The following PDE8A variants were observed in gnomAD, a reference collection of about 807,000 sequenced individuals.
PDE8A encodes high affinity cAMP-specific and IBMX-insensitive 3',5'-cyclic phosphodiesterase 8A.
A neutral mutation model predicts 105.0 loss-of-function variants in PDE8A; 59 were observed. The observed-to-expected ratio is 0.56, with a 90% confidence interval of 0.46 to 0.70. The LOEUF (loss-of-function observed/expected upper bound fraction) is 0.70, where lower values mean the gene tolerates loss of function less well. PDE8A is among the 30% of genes least tolerant of loss of function. The probability of loss-of-function intolerance (pLI) is 0.00; values close to 1 mark genes in which losing one functional copy is unlikely to be tolerated. For missense variants in PDE8A, 1,014 were observed against 1,045.9 expected, an observed-to-expected ratio of 0.97 and a Z score of 0.42; for synonymous variants, 355 against 371.9, an observed-to-expected ratio of 0.95 and a Z score of 0.52.
In PDE8A at chr15:85,121,013, A is replaced by C. The variant is rs1432827012; in HGVS notation, c.1951A>C (p.Arg651=). The change falls in exon 18 of 22, where the codon AGG becomes CGG. Residue 651 remains arginine (R), a splice_region_variant and synonymous_variant. Transcript: ENST00000394553. Reference sequence around the variant, plus strand: ...ATGCAATATATTTAAAAACATGGAGAGGTAAGAACAATGATTGGGAAGTGT... The same window carrying C: ...ATGCAATATATTTAAAAACATGGAGCGGTAAGAACAATGATTGGGAAGTGT... The part of the protein sequence containing the change: ...DKCNIFKNME[R]NDYRTLRQGI... 2 of 1,587,656 alleles carry C rather than the reference A, an allele frequency of 1.3e-6. No individual in the cohort carries two copies. Among genetic ancestry groups the C allele is most frequent in the African/African-American group, 1.3e-5 (1 of 74,354 alleles).
At chr15:85,105,694 A>T (rs1399824060) in intron 11 of PDE8A, among the ~76,000 whole-genome samples, 1 of 152,194 alleles carries the variant, frequency 6.6e-6, no homozygotes, top group African/African-American at 2.4e-5. Context: ...GAGCAGAGAC[A>T]TGAAGTTGCA....
At chr15:85,028,156 T>A (rs2080550137) in intron 1 of PDE8A, among the ~76,000 whole-genome samples, 1 of 152,244 alleles carries the variant, frequency 6.6e-6, no homozygotes, top group African/African-American at 2.4e-5. Context: ...ATGTTATGAT[T>A]TTCCTTAGGA....
chr15:85,092,422 A>G (rs2081660858), intron 8 of PDE8A, among the ~76,000 whole-genome samples: 1 of 151,916 alleles, frequency 6.6e-6, no homozygotes, highest in African/African-American at 2.4e-5. Context: ...AGAGACCCTC[A>G]GGTGCTCAGG....
intron 9 of PDE8A, 37 bp downstream of exon 9, chr15:85,098,073 G>C (rs904171631): frequency 1.0e-5 from 12 of 1,197,020 alleles, no homozygotes; most frequent in Non-Finnish European, 1.4e-5. Context: ...TCAACATACA[G>C]TGTTTTGGGT....
rs1275365947 is a variant in PDE8A, at chr15:85,062,314, T to G, written c.187-2056T>G. ...ATCTCTGTGCCAAGGATCAGTCTAA[T>G]GTGTAAACTCAAGGTCTTCTCAGGC... On this transcript the variant is annotated intron_variant, in intron 1 of 21. Transcript: ENST00000394553. Among the ~76,000 whole-genome samples the G allele has an allele frequency of 2.0e-5, 3 of 152,248 alleles. No homozygotes were observed. In the East Asian group the frequency reaches 5.8e-4, roughly 29 times the overall value.
chr15:85,115,628 G>A (rs898858567), intron 15 of PDE8A, 141 bp downstream of exon 15: 1 of 573,476 alleles, frequency 1.7e-6, no homozygotes. Context: ...TGTCCCTGAG[G>A]CGGTACTGTC....
intron 20 of PDE8A, 99 bp from the exon 21 acceptor site, chr15:85,136,435 C>T: frequency 7.5e-7 from 1 of 1,338,274 alleles, no homozygotes; most frequent in Non-Finnish European, 1.0e-6. Context: ...GACAAGCCAC[C>T]TTAGGCTGCC....
At chr15:85,042,118 T>G (rs2080819443) in intron 1 of PDE8A, among the ~76,000 whole-genome samples, 1 of 152,132 alleles carries the variant, frequency 6.6e-6, no homozygotes, top group African/African-American at 2.4e-5. Flanking sequence ...CAGTTGCTAG[T>G]TGCTGAGATA....
At chr15:85,039,985 A>C (rs1183466310) in intron 1 of PDE8A, among the ~76,000 whole-genome samples, 3 of 152,160 alleles carry the variant, frequency 2.0e-5, no homozygotes. Context: ...GAGGGCACAA[A>C]GTTTCATTTA....
intron 12 of PDE8A, among the ~76,000 whole-genome samples, chr15:85,110,090 G>A (rs1567292195): frequency 6.6e-6 from 1 of 152,206 alleles, no homozygotes; most frequent in Non-Finnish European, 1.5e-5. Flanking sequence ...GATTCAATGA[G>A]TGTGTATGGT....
rs552156094 is a variant in PDE8A, at chr15:85,128,802, C to G, written c.2253+2428C>G. On this transcript the variant is annotated intron_variant, in intron 20 of 21. Transcript: ENST00000394553. ...AAAAGTGCTGAACATCATTAGTCATCTGGGAAATTCAAATTAAAACCACAG... is the reference window on the plus strand; with the variant it reads ...AAAAGTGCTGAACATCATTAGTCATGTGGGAAATTCAAATTAAAACCACAG... Among the ~76,000 whole-genome samples, 15 of 152,312 alleles carry G rather than the reference C, an allele frequency of 9.8e-5. No homozygotes were observed. In the South Asian group the frequency reaches 3.1e-3, roughly 32 times the overall value.
At chr15:85,050,613 T>C (rs2080957937) in intron 1 of PDE8A, among the ~76,000 whole-genome samples, 1 of 152,198 alleles carries the variant, frequency 6.6e-6, no homozygotes, top group Non-Finnish European at 1.5e-5. Flanking sequence ...TGTTAAAAAT[T>C]ATTTGACCCT....
At chr15:84,988,670 C>A (rs2079841591) in intron 1 of PDE8A, among the ~76,000 whole-genome samples, 1 of 152,222 alleles carries the variant, frequency 6.6e-6, no homozygotes, top group Non-Finnish European at 1.5e-5. Context: ...GCTGCATGTA[C>A]CTATCTTCTC....
intron 3 of PDE8A, among the ~76,000 whole-genome samples, chr15:85,068,993 T>G (rs1215426634): frequency 6.6e-6 from 1 of 152,186 alleles, no homozygotes; most frequent in Non-Finnish European, 1.5e-5. Context: ...GTTAATTCAT[T>G]CAGCAGATTT....
At chr15:85,055,445 A>G (rs2081045149) in intron 1 of PDE8A, among the ~76,000 whole-genome samples, 1 of 152,132 alleles carries the variant, frequency 6.6e-6, no homozygotes, top group South Asian at 2.1e-4. Flanking sequence ...GTGGGAGTCT[A>G]AGTCTCTTTG....
In PDE8A at chr15:85,020,435, C is replaced by G. The variant is rs550695610; in HGVS notation, c.186+38087C>G. On this transcript the variant is annotated intron_variant, in intron 1 of 21. Coordinates refer to ENST00000394553, the MANE Select transcript of PDE8A (RefSeq NM_002605.3). Reference sequence around the variant, plus strand: ...CCTGGCCAACACGGCGAAACCCTGTCTCTACTAAAAATACAAAAGTTAGCC... The same window carrying G: ...CCTGGCCAACACGGCGAAACCCTGTGTCTACTAAAAATACAAAAGTTAGCC... Among the ~76,000 whole-genome samples the G allele has an allele frequency of 3.9e-5, 6 of 152,256 alleles. 1 individual carries two copies. The South Asian group carries it at 1.0e-3, about 26-fold the overall frequency.
chr15:85,128,846 C>A (rs1218443508), intron 20 of PDE8A, among the ~76,000 whole-genome samples: 2 of 152,144 alleles, frequency 1.3e-5, no homozygotes, highest in Admixed American at 6.5e-5. Flanking sequence ...CACTACACAC[C>A]CAATGGGATG....
intron 1 of PDE8A, among the ~76,000 whole-genome samples, chr15:85,012,677 A>G (rs2080260174): frequency 6.6e-6 from 1 of 151,998 alleles, no homozygotes; most frequent in South Asian, 2.1e-4. Context: ...GTGCACATGT[A>G]CCCTAAAACT....
rs750034436 is a variant in PDE8A, at chr15:85,126,278, A to G, written c.2157A>G (p.Arg719=). The change falls in exon 20 of 22, where the codon CGA becomes CGG. Residue 719 remains arginine (R), a synonymous_variant. Transcript: ENST00000394553. ...RTPENRTLIK[R]MLIKCADVSN... ...CAGAGAACCGGACCCTAATCAAACG[A>G]ATGCTGATTAAATGTGCTGATGTGT... 1.2e-6 allele frequency: 2 copies of G among 1,612,856 alleles called. No homozygotes were observed. The highest frequency in any genetic ancestry group is 2.2e-5 in the East Asian group (1 of 44,846).
Sources: gnomAD v4.1 joint callset for allele counts (sites outside exome capture counted in the v4.1 genomes callset) on GRCh38, gnomAD v4.1.1 for gene constraint, MANE v1.5 for transcripts, NCBI Gene and HGNC (gene_info 2026-07-23, HGNC 2026-07-21) for gene names.